TRIM55: variants seen among roughly 807,000 people sequenced by gnomAD.
The protein encoded by TRIM55 is tripartite motif containing 55.
TRIM55 carries 50 observed loss-of-function variants against 60.9 expected under a neutral mutation model. The observed-to-expected ratio is 0.82, with a 90% CI of 0.65 to 1.04. TRIM55 has a LOEUF of 1.04. TRIM55 is among the 50% of genes least tolerant of loss of function. TRIM55 has a pLI of 0.00. For missense variants in TRIM55, 681 were observed against 666.9 expected, an observed-to-expected ratio of 1.02 and a Z score of -0.23; for synonymous variants, 237 against 238.1, an observed-to-expected ratio of 1.00 and a Z score of 0.04.
chr8:66,155,738 T>C (rs968917816), intron 9 of TRIM55: 4 of 1,433,468 alleles, frequency 2.8e-6, no homozygotes, highest in East Asian at 4.5e-5. Context: ...TTCCCTTGAC[T>C]AACATCTCAC....
At chr8:66,127,527 TA>T (rs1387646357) in intron 1 of TRIM55, 91 bp downstream of exon 1, 15 of 1,472,034 alleles carry the variant, frequency 1.0e-5, no homozygotes, top group Non-Finnish European at 1.2e-5. Context: ...TGAAATCCTT[TA>T]AAAAACTTTA....
At chr8:66,124,733 A>T (rs1808756607), upstream of TRIM55, among the ~76,000 whole-genome samples, 1 of 152,242 alleles carries the variant, frequency 6.6e-6, no homozygotes, top group Non-Finnish European at 1.5e-5. Context: ...AGCTACAAAG[A>T]TTTAAACGCT....
chr8:66,132,121 G>A (rs150053950), intron 2 of TRIM55, among the ~76,000 whole-genome samples: 118 of 152,330 alleles, frequency 7.7e-4, no homozygotes, highest in African/African-American at 2.7e-3. Context: ...AGGCCACATA[G>A]CCACTACATG....
chr8:66,114,179 G>A, the TRIM55 span, among the ~76,000 whole-genome samples: 21 of 149,652 alleles, frequency 1.4e-4, no homozygotes, highest in African/African-American at 3.9e-4. Flanking sequence ...AATAAGCCGT[G>A]CCCAGCCGTG....
chr8:66,155,616 C>T, intron 9 of TRIM55: 4 of 1,578,184 alleles, frequency 2.5e-6, no homozygotes, highest in Non-Finnish European at 3.5e-6. Context: ...TTCTTGTTTT[C>T]TCACAGGAGT....
intron 2 of TRIM55, among the ~76,000 whole-genome samples, chr8:66,132,180 G>C (rs1396903222): frequency 6.6e-6 from 1 of 152,208 alleles, no homozygotes; most frequent in Non-Finnish European, 1.5e-5. Context: ...GGCAGGCACA[G>C]TGGCTCACGC....
rs1034341693 is a variant in TRIM55, at chr8:66,127,260, A to G, written c.-9A>G. The G allele has an allele frequency of 2.1e-5, 34 of 1,612,016 alleles. No individual in the cohort carries two copies. Among genetic ancestry groups the G allele is most frequent in the Non-Finnish European group, 2.8e-5 (33 of 1,178,678 alleles). ...CTTCCCTGGCAGCACACTTGGGGAC[A>G]GCGAGGAGATGAGCGCATCTCTGAA... On this transcript the variant is annotated 5_prime_UTR_variant, in exon 1 of 10. Transcript: ENST00000315962.
chr8:66,144,042 C>T (rs1455249729), intron 4 of TRIM55, among the ~76,000 whole-genome samples: 1 of 152,138 alleles, frequency 6.6e-6, no homozygotes, highest in Non-Finnish European at 1.5e-5. Flanking sequence ...GTTCTCTTTA[C>T]AGTTGCATAT....
rs986453829 is a variant in TRIM55 at position 66,155,545 on chromosome 8, T to C, written c.1524+1211T>C. ...GCACGTAGTAGGGCTCAAGCCAAAA[T>C]GAAAAGTCCATTGAAATAATGTTGA... On this transcript the variant is annotated intron_variant, in intron 9 of 9. Transcript: ENST00000315962. 2.5e-6 allele frequency: 3 copies of C among 1,177,086 alleles called. No homozygotes were observed. The African/African-American group carries it at 4.6e-5, about 18-fold the overall frequency. 72.9% of individuals were successfully genotyped at this position (1,177,086 alleles called of 1,614,324 possible).
intron 3 of TRIM55, among the ~76,000 whole-genome samples, chr8:66,136,860 A>G (rs1809507286): frequency 6.6e-6 from 1 of 152,194 alleles, no homozygotes; most frequent in Non-Finnish European, 1.5e-5. Flanking sequence ...TTTAGCTTGA[A>G]CATGTTGATC....
chr8:66,134,758 C>G (rs1342551596), intron 2 of TRIM55, among the ~76,000 whole-genome samples: 1 of 152,128 alleles, frequency 6.6e-6, no homozygotes, highest in Non-Finnish European at 1.5e-5. Context: ...GTCTCTGTCC[C>G]TACCCCAAGC....
At chr8:66,137,276 C>T (rs1362731954) in intron 4 of TRIM55, 86 bp downstream of exon 4, 9 of 912,376 alleles carry the variant, frequency 9.9e-6, no homozygotes, top group Admixed American at 2.3e-5. Flanking sequence ...CTAGACATCC[C>T]TATTCTGACC....
chr8:66,127,183 C>A lies in TRIM55; in HGVS notation c.-86C>A. ...GAAACGTAAAGGACACTTGATCACA[C>A]AATCCCTGGAATAATATCCAGGAAA... On this transcript the variant is annotated 5_prime_UTR_variant, in exon 1 of 10. Coordinates refer to ENST00000315962, the MANE Select transcript of TRIM55 (RefSeq NM_184085.2). 3 of 1,394,152 alleles carry A rather than the reference C, an allele frequency of 2.2e-6. No individual in the cohort carries two copies. The highest frequency in any genetic ancestry group is 3.0e-6 in the Non-Finnish European group (3 of 1,015,980). The allele number at this position is 1,394,152 out of a possible 1,614,324, so 86.4% of individuals were successfully genotyped here. A position where few individuals can be genotyped will look rare whatever the true frequency, so the allele number is the denominator to read the frequency against.
intron 2 of TRIM55, among the ~76,000 whole-genome samples, chr8:66,134,654 T>C (rs1809372479): frequency 6.6e-6 from 1 of 152,142 alleles, no homozygotes; most frequent in African/African-American, 2.4e-5. Context: ...TTCAGGAATT[T>C]CACTACCAGA....
chr8:66,131,346 C>T (rs546003864), intron 2 of TRIM55, among the ~76,000 whole-genome samples: 15 of 152,198 alleles, frequency 9.9e-5, no homozygotes, highest in African/African-American at 2.2e-4. Flanking sequence ...AGCCTCATTC[C>T]CCAGAGTCAA....
chr8:66,128,520 T>G (rs1306138256), intron 2 of TRIM55, 44 bp downstream of exon 2: 1 of 1,577,740 alleles, frequency 6.3e-7, no homozygotes. Context: ...CATCTGAAAC[T>G]TGTTTTTGTT....
intron 7 of TRIM55, 48 bp downstream of exon 7, chr8:66,150,514 G>C (rs1563379492): frequency 9.3e-6 from 15 of 1,609,196 alleles, no homozygotes; most frequent in Non-Finnish European, 1.3e-5. Context: ...GTGTGTGAAA[G>C]CTGCCGAAGA....
chr8:66,133,397 C>CA lies in TRIM55; in HGVS notation c.342-1580dup, dbSNP rs761348104. Among the ~76,000 whole-genome samples the CA allele has an allele frequency of 4.3e-3, 572 of 132,732 alleles. 2 individuals are homozygous for CA. The highest frequency in any genetic ancestry group is 8.5e-3 in the South Asian group (35 of 4,112). 87.1% of individuals were successfully genotyped at this position (132,732 alleles called of 152,430 possible). ...ACTGTTCCGAGTACTGGAGATGCAG[C>CA]AAAAAAAAAAAAAGACTCATCATGG... is the stretch of plus-strand genomic sequence containing the variant. On this transcript the variant is annotated intron_variant, in intron 2 of 9. Transcript: ENST00000315962.
At chr8:66,135,606 C>A (rs796100530) in intron 3 of TRIM55, among the ~76,000 whole-genome samples, 2 of 146,548 alleles carry the variant, frequency 1.4e-5, no homozygotes, top group African/African-American at 4.9e-5. Context: ...CTCCTCAATG[C>A]CTTTTATCCC....
Sources: gnomAD v4.1 joint callset for allele counts (sites outside exome capture counted in the v4.1 genomes callset) on GRCh38, gnomAD v4.1.1 for gene constraint, MANE v1.5 for transcripts, NCBI Gene and HGNC (gene_info 2026-07-23, HGNC 2026-07-21) for gene names.